The following PTPRD variants were observed in gnomAD, a reference collection of about 807,000 sequenced individuals.
PTPRD encodes receptor-type tyrosine-protein phosphatase delta.
Under a neutral mutation model 214.5 loss-of-function variants are expected in PTPRD, and 34 were observed. The observed-to-expected ratio is 0.16, with a 90% confidence interval of 0.12 to 0.21. PTPRD has a LOEUF of 0.21. Ranked by LOEUF, PTPRD falls within the 10% of genes least tolerant of loss-of-function variation. The pLI, the probability that PTPRD is intolerant of heterozygous loss-of-function variation, is 1.00. For synonymous variants in PTPRD, 1,128 were observed against 845.7 expected (o/e 1.33, Z -5.79); for missense variants, 2,545 against 2,398.7 (o/e 1.06, Z -1.27).
intron 5 of PTPRD, among the ~76,000 whole-genome samples, chr9:9,774,356 C>T (rs1177209850): frequency 1.3e-5 from 2 of 152,174 alleles, no homozygotes; most frequent in South Asian, 4.1e-4. Flanking sequence ...ATGTATTTTA[C>T]TATCTAAACA....
intron 2 of PTPRD, among the ~76,000 whole-genome samples, chr9:10,496,262 G>C (rs539093798): frequency 1.8e-4 from 27 of 151,784 alleles, no homozygotes; most frequent in African/African-American, 6.0e-4. Context: ...TGCCAGTTAA[G>C]ACAAAAACAC....
intron 7 of PTPRD, among the ~76,000 whole-genome samples, chr9:9,596,874 T>C (rs1210018646): frequency 6.6e-6 from 1 of 152,060 alleles, no homozygotes; most frequent in Non-Finnish European, 1.5e-5. Flanking sequence ...TATGATATCA[T>C]TCACAGATCA....
intron 10 of PTPRD, among the ~76,000 whole-genome samples, chr9:9,094,517 G>C (rs569435554): frequency 6.6e-6 from 1 of 152,058 alleles, no homozygotes; most frequent in African/African-American, 2.4e-5. Flanking sequence ...GGGGACTTAC[G>C]GTTGGGGGAA....
At chr9:10,422,452 G>C (rs1471098230) in intron 2 of PTPRD, among the ~76,000 whole-genome samples, 1 of 151,976 alleles carries the variant, frequency 6.6e-6, no homozygotes, top group East Asian at 1.9e-4. Flanking sequence ...AGCCAAAATA[G>C]ACAAATGGGA....
chr9:10,109,759 C>G (rs1170367728), intron 3 of PTPRD, among the ~76,000 whole-genome samples: 2 of 151,988 alleles, frequency 1.3e-5, no homozygotes, highest in Admixed American at 6.6e-5. Context: ...AGCCAGACCT[C>G]TAGGGTCCAA....
chr9:9,201,732 T>C (rs1212188566), intron 9 of PTPRD, among the ~76,000 whole-genome samples: 1 of 152,226 alleles, frequency 6.6e-6, no homozygotes, highest in Non-Finnish European at 1.5e-5. Flanking sequence ...GCAAAATCTA[T>C]ACAAAATAAT....
intron 2 of PTPRD, among the ~76,000 whole-genome samples, chr9:10,493,721 T>C (rs1421097743): frequency 2.0e-5 from 3 of 152,084 alleles, no homozygotes; most frequent in African/African-American, 4.8e-5. Flanking sequence ...TGGAAATTTA[T>C]AAAGTTAAAA....
chr9:10,515,815 C>T (rs2049898028), intron 2 of PTPRD, among the ~76,000 whole-genome samples: 1 of 151,870 alleles, frequency 6.6e-6, no homozygotes, highest in South Asian at 2.1e-4. Flanking sequence ...ATTTTTCATA[C>T]CTTGGAATCA....
chr9:8,757,954 G>C (rs975075332), intron 11 of PTPRD, among the ~76,000 whole-genome samples: 11 of 152,118 alleles, frequency 7.2e-5, no homozygotes, highest in Non-Finnish European at 1.2e-4. Flanking sequence ...GAAGCAGACT[G>C]GTGGTTGGGC....
intron 14 of PTPRD, among the ~76,000 whole-genome samples, chr9:8,632,350 A>T (rs1032296703): frequency 1.8e-4 from 28 of 151,978 alleles, no homozygotes; most frequent in African/African-American, 6.3e-4. Flanking sequence ...GGGGTAAAAA[A>T]AATGAAATAG....
intron 2 of PTPRD, among the ~76,000 whole-genome samples, chr9:10,342,237 A>G (rs547319781): frequency 6.6e-6 from 1 of 152,124 alleles, no homozygotes; most frequent in Middle Eastern, 3.4e-3. Context: ...GGCCTGTGTC[A>G]CTTATAGGTA....
At position 8,960,307 on chromosome 9, in the gene PTPRD, T is replaced by C. The variant is rs72708136; in HGVS notation, c.-104+58390A>G. On this transcript the variant is annotated intron_variant, in intron 11 of 45. Transcript: ENST00000381196. ...ATTAGTTATCATGATTGCTAATTCA[T>C]AATACAGTTAGAAATGTGTGGAGCT... Among the ~76,000 whole-genome samples the C allele has an allele frequency of 5.3e-3, 814 of 152,180 alleles. 2 individuals carry two copies. Among genetic ancestry groups the C allele is most frequent in the African/African-American group, 0.011 (451 of 41,548 alleles).
At chr9:9,958,701 T>C (rs572420277) in intron 4 of PTPRD, among the ~76,000 whole-genome samples, 7 of 152,226 alleles carry the variant, frequency 4.6e-5, no homozygotes, top group Non-Finnish European at 8.8e-5. Flanking sequence ...AACTCAGCAA[T>C]AAGGAAACAA....
chr9:8,431,937 G>A (rs10977091), intron 35 of PTPRD, among the ~76,000 whole-genome samples: 2,079 of 152,248 alleles, frequency 0.014, 46 homozygotes, highest in African/African-American at 0.048. Flanking sequence ...GGTAGAATTT[G>A]GCTGTGAATC....
At chr9:9,685,019 C>A (rs977577008) in intron 7 of PTPRD, among the ~76,000 whole-genome samples, 2 of 151,454 alleles carry the variant, frequency 1.3e-5, no homozygotes, top group Admixed American at 6.6e-5. Flanking sequence ...ACACAGTCAG[C>A]ACTTAAGAAT....
intron 11 of PTPRD, among the ~76,000 whole-genome samples, chr9:8,893,588 T>C (rs2098563146): frequency 1.3e-5 from 2 of 152,196 alleles, no homozygotes; most frequent in African/African-American, 4.8e-5. Context: ...AGAGCTCTTA[T>C]GGCTTTTTGC....
chr9:9,340,891 T>A (rs2780073), intron 9 of PTPRD, among the ~76,000 whole-genome samples: 46,515 of 152,006 alleles, frequency 0.31, 10,757 homozygotes, highest in African/African-American at 0.65. Flanking sequence ...ATCATTAGAA[T>A]AAACTACTAG....
rs116023896 is a variant in PTPRD at position 10,430,203 on chromosome 9, C to A, written c.-599-89186G>T. Among the ~76,000 whole-genome samples the A allele has an allele frequency of 8.5e-3, 1,286 of 151,860 alleles. 21 individuals carry two copies. Among genetic ancestry groups the A allele is most frequent in the African/African-American group, 0.029 (1,192 of 41,478 alleles). On this transcript the variant is annotated intron_variant, in intron 2 of 45. Transcript: ENST00000381196. ...AGACTAAGAAATTTAGAATATTTTTCCTTCTTATAAAATGTTTTAAAAGAC... is the reference window on the plus strand; with the variant it reads ...AGACTAAGAAATTTAGAATATTTTTACTTCTTATAAAATGTTTTAAAAGAC...
At chr9:10,056,638 G>A (rs1435966173) in intron 3 of PTPRD, among the ~76,000 whole-genome samples, 2 of 151,970 alleles carry the variant, frequency 1.3e-5, no homozygotes, top group African/African-American at 4.8e-5. Context: ...ACATCCAAAA[G>A]TAAAAGCTAG....
Sources: gnomAD v4.1 joint callset for allele counts (sites outside exome capture counted in the v4.1 genomes callset) on GRCh38, gnomAD v4.1.1 for gene constraint, MANE v1.5 for transcripts, NCBI Gene and HGNC (gene_info 2026-07-23, HGNC 2026-07-21) for gene names.